PROCR: variants seen among roughly 807,000 people sequenced by gnomAD.
The protein encoded by PROCR is endothelial protein C receptor.
PROCR carries 22 observed loss-of-function variants against 24.2 expected under a neutral mutation model. The observed-to-expected ratio is 0.91, with a 90% CI of 0.65 to 1.30. The LOEUF (loss-of-function observed/expected upper bound fraction) is 1.30. PROCR is among the 50% of genes most tolerant of loss of function. The pLI is 0.00. For missense variants in PROCR, 288 were observed against 307.7 expected, an observed-to-expected ratio of 0.94 and a Z score of 0.48; for synonymous variants, 137 against 139.2, an observed-to-expected ratio of 0.98 and a Z score of 0.11.
In PROCR at chr20:35,174,677, A is replaced by G. The variant is rs1459028269; in HGVS notation, c.71-25A>G. 3 of 1,613,438 alleles carry G rather than the reference A, an allele frequency of 1.9e-6. No homozygotes were observed. The East Asian group carries it at 6.7e-5, about 36-fold the overall frequency. On this transcript the variant is annotated intron_variant, in intron 1 of 3. Transcript: ENST00000216968. ...CCGCCGCCCCCTCCCACGCCGGCCC[A>G]GGCTGAAGCTGACTCTGCCCGCAGG...
intron 1 of PROCR, among the ~76,000 whole-genome samples, chr20:35,190,967 C>T (rs1280659085): frequency 6.6e-6 from 1 of 152,054 alleles, no homozygotes; most frequent in Non-Finnish European, 1.5e-5. Context: ...TAAAGTGATT[C>T]TCCTGCCTCA....
chr20:35,178,409 A>T (rs867329765), downstream of PROCR, among the ~76,000 whole-genome samples: 7 of 55,560 alleles, frequency 1.3e-4, no homozygotes, highest in African/African-American at 2.6e-4. Context: ...TTTTTTTTTT[A>T]ATTCTAAAAA....
At chr20:35,199,218 G>A (rs1019147624) in intron 1 of PROCR, among the ~76,000 whole-genome samples, 20 of 152,160 alleles carry the variant, frequency 1.3e-4, no homozygotes, top group African/African-American at 4.8e-4. Flanking sequence ...AACAAAGCCT[G>A]GATGACAGCA....
chr20:35,176,257 A>C lies in PROCR; in HGVS notation c.412A>C (p.Ser138Arg). 1 of 1,614,124 alleles carries C rather than the reference A, an allele frequency of 6.2e-7. No individual in the cohort carries two copies. The change falls in exon 3 of 4, where the codon AGC becomes CGC. Residue 138 changes from serine (S) to arginine (R), a missense_variant. Coordinates refer to ENST00000216968, the MANE Select transcript of PROCR (RefSeq NM_006404.5). ...HVFFEVAVNG[S>R]SFVSFRPERA... ...CTTCTTCGAAGTGGCTGTGAATGGG[A>C]GCTCCTTTGTGAGTTTCCGGCCGGA...
At chr20:35,174,581 C>A (rs1036976261) in intron 1 of PROCR, 121 bp from the exon 2 acceptor site, 15 of 1,243,750 alleles carry the variant, frequency 1.2e-5, no homozygotes, top group Non-Finnish European at 1.7e-5. Flanking sequence ...TGGGAGGGCA[C>A]ATTATAGTTT....
At chr20:35,175,578 CTTTT>C (rs869059685) in intron 2 of PROCR, among the ~76,000 whole-genome samples, 174 of 27,836 alleles carry the variant, frequency 6.3e-3, no homozygotes, top group South Asian at 0.017. Context: ...CCCCACCCCC[CTTTT>C]TTTTTTTTTT....
intron 1 of PROCR, among the ~76,000 whole-genome samples, chr20:35,198,444 C>T (rs1385279822): frequency 6.6e-6 from 1 of 152,168 alleles, no homozygotes; most frequent in South Asian, 2.1e-4. Context: ...TAGATCAAAT[C>T]CCTAACTCTC....
upstream of PROCR, among the ~76,000 whole-genome samples, chr20:35,171,291 A>G (rs1345087589): frequency 6.6e-6 from 1 of 152,192 alleles, no homozygotes; most frequent in African/African-American, 2.4e-5. Flanking sequence ...CAAAGCACAC[A>G]TATACAACTG....
chr20:35,178,728 G>T (rs1242261742), downstream of PROCR, among the ~76,000 whole-genome samples: 1 of 141,474 alleles, frequency 7.1e-6, no homozygotes, highest in African/African-American at 2.6e-5. Context: ...TTTTAGCCGG[G>T]ATGGTCTCGA....
At chr20:35,207,614 C>G (rs1228060706) in intron 1 of PROCR, among the ~76,000 whole-genome samples, 2 of 151,984 alleles carry the variant, frequency 1.3e-5, no homozygotes, top group Non-Finnish European at 2.9e-5. Context: ...ACTGCAACCT[C>G]TGCCTCCCAA....
At chr20:35,179,601 C>G (rs2086059825), downstream of PROCR, among the ~76,000 whole-genome samples, 1 of 152,050 alleles carries the variant, frequency 6.6e-6, no homozygotes, top group Non-Finnish European at 1.5e-5. Context: ...CTCCAGACCT[C>G]TCATTTGCAT....
chr20:35,171,792 C>G (rs191888006), upstream of PROCR, among the ~76,000 whole-genome samples: 131 of 152,184 alleles, frequency 8.6e-4, 1 homozygote, highest in East Asian at 0.014. Context: ...TGCCCCACCC[C>G]CTGAGTCAGC....
intron 1 of PROCR, among the ~76,000 whole-genome samples, chr20:35,185,780 C>A (rs1231479757): frequency 6.6e-6 from 1 of 152,132 alleles, no homozygotes. Context: ...AAATATGGTG[C>A]ATTGTGTACT....
chr20:35,185,087 G>C (rs1421089831), intron 1 of PROCR, among the ~76,000 whole-genome samples: 1 of 141,398 alleles, frequency 7.1e-6, no homozygotes, highest in Non-Finnish European at 1.5e-5. Flanking sequence ...GAGATGAATA[G>C]ACAATTCTCA....
chr20:35,205,610 G>A (rs1411796982), intron 1 of PROCR, among the ~76,000 whole-genome samples: 1 of 150,004 alleles, frequency 6.7e-6, no homozygotes, highest in Non-Finnish European at 1.5e-5. Flanking sequence ...AATTAGCCGG[G>A]TGTGGTGGTG....
At chr20:35,214,422 C>T (rs1406480378) in intron 1 of PROCR, among the ~76,000 whole-genome samples, 2 of 152,114 alleles carry the variant, frequency 1.3e-5, no homozygotes, top group East Asian at 3.9e-4. Flanking sequence ...CGCGGTGGCT[C>T]ACGCCTGTAA....
chr20:35,201,400 A>T (rs2146172579), intron 1 of PROCR, among the ~76,000 whole-genome samples: 1 of 152,306 alleles, frequency 6.6e-6, no homozygotes, highest in South Asian at 2.1e-4. Context: ...ATTAAAAGAC[A>T]AAGATGGCTG....
chr20:35,192,705 A>G (rs6060299), intron 1 of PROCR, among the ~76,000 whole-genome samples: 120,768 of 152,030 alleles, frequency 0.79, 48,418 homozygotes, highest in African/African-American at 0.89. Flanking sequence ...TGTCTTATCT[A>G]TGTTTTACTG....
At chr20:35,191,904 G>A (rs925124977) in intron 1 of PROCR, among the ~76,000 whole-genome samples, 1 of 152,128 alleles carries the variant, frequency 6.6e-6, no homozygotes, top group African/African-American at 2.4e-5. Context: ...TACCATGGGG[G>A]GAAACAAAGT....
Sources: allele counts gnomAD v4.1 joint callset (sites outside exome capture counted in the v4.1 genomes callset), GRCh38; gene constraint gnomAD v4.1.1; transcripts MANE v1.5; gene names NCBI Gene and HGNC (gene_info 2026-07-23, HGNC 2026-07-21).